CDH1: variants seen among roughly 807,000 people sequenced by gnomAD.
CDH1 encodes cadherin 1.
A neutral mutation model predicts 84.5 loss-of-function variants in CDH1; 35 were observed. The ratio of observed to expected loss-of-function variants is 0.41; its 90% confidence interval spans 0.32 to 0.55. CDH1 has a LOEUF of 0.55. Among genes scored for constraint, CDH1 ranks in the 20% least tolerant of loss-of-function variants. CDH1 has a pLI of 0.19. For synonymous variants in CDH1, 417 were observed against 439.0 expected (o/e 0.95, Z 0.63); for missense variants, 994 against 1,126.6 (o/e 0.88, Z 1.68).
At chr16:68,741,536 T>C (rs1962562202) in intron 2 of CDH1, among the ~76,000 whole-genome samples, 1 of 152,006 alleles carries the variant, frequency 6.6e-6, no homozygotes, top group Non-Finnish European at 1.5e-5. Context: ...TCAGGGGACT[T>C]TGGAGTGTTT....
At chr16:68,789,733 T>G (rs1960158900) in intron 2 of CDH1, among the ~76,000 whole-genome samples, 1 of 152,178 alleles carries the variant, frequency 6.6e-6, no homozygotes, top group South Asian at 2.1e-4. Context: ...TCAGTTAGTC[T>G]GAGGCAGGGG....
intron 2 of CDH1, among the ~76,000 whole-genome samples, chr16:68,794,346 A>G (rs1207521054): frequency 6.6e-6 from 1 of 151,958 alleles, no homozygotes; most frequent in African/African-American, 2.4e-5. Context: ...GGCCGTGTCC[A>G]TTAGCTCTTA....
chr16:68,773,548 C>G (rs1022296435), intron 2 of CDH1, among the ~76,000 whole-genome samples: 4 of 152,232 alleles, frequency 2.6e-5, no homozygotes, highest in African/African-American at 4.8e-5. Context: ...ATCTGCCCGC[C>G]CTGGCCTCCC....
At chr16:68,826,588 C>T (rs566103551) in intron 13 of CDH1, 5 of 152,230 alleles carry the variant, frequency 3.3e-5, no homozygotes. Context: ...ATAGCAAGAT[C>T]CCATCTCTAT....
intron 3 of CDH1, among the ~76,000 whole-genome samples, chr16:68,806,402 A>C (rs1056038969): frequency 1.3e-5 from 2 of 151,950 alleles, no homozygotes; most frequent in Non-Finnish European, 2.9e-5. Context: ...TGCCTGCCTT[A>C]GCCTCCCAAA....
intron 2 of CDH1, among the ~76,000 whole-genome samples, chr16:68,777,651 C>G (rs535422662): frequency 1.3e-5 from 2 of 150,960 alleles, no homozygotes; most frequent in East Asian, 3.9e-4. Flanking sequence ...TCAAGCCATC[C>G]TCCCATCTCA....
chr16:68,795,815 C>T (rs1699435185), intron 2 of CDH1, among the ~76,000 whole-genome samples: 1 of 151,758 alleles, frequency 6.6e-6, no homozygotes, highest in Admixed American at 6.6e-5. Flanking sequence ...ATCTTGTCCT[C>T]CAGTTTTTAT....
At chr16:68,783,400 A>G (rs923504803) in intron 2 of CDH1, among the ~76,000 whole-genome samples, 4 of 135,456 alleles carry the variant, frequency 3.0e-5, no homozygotes, top group African/African-American at 5.5e-5. Flanking sequence ...AAAAAAAAAA[A>G]AAAAGAAAAA....
rs141259501 is a variant in CDH1 at position 68,748,646 on chromosome 16, C to T, written c.163+10235C>T. Among the ~76,000 whole-genome samples, 442 of 152,140 alleles carry T rather than the reference C, an allele frequency of 2.9e-3. 1 individual carries two copies. Among genetic ancestry groups the T allele is most frequent in the African/African-American group, 0.01 (419 of 41,522 alleles). On this transcript the variant is annotated intron_variant, in intron 2 of 15. Transcript: ENST00000261769. ...TCTGGTGTATCTGGAAGATGAATTT[C>T]CATAGGTGAGCCTGCTGGGTCCAGG...
intron 2 of CDH1, among the ~76,000 whole-genome samples, chr16:68,738,964 T>TTTTTTTAAA (rs555202424): frequency 1.5e-5 from 1 of 65,364 alleles, no homozygotes; most frequent in African/African-American, 5.7e-5. Context: ...TTTTTTTTTT[T>TTTTTTTAAA]AAAGACAGGG....
At chr16:68,809,809 A>G (rs1311713028) in intron 5 of CDH1, among the ~76,000 whole-genome samples, 1 of 152,168 alleles carries the variant, frequency 6.6e-6, no homozygotes, top group East Asian at 1.9e-4. Context: ...TACATGAACC[A>G]CTATGCCTGG....
chr16:68,831,295 T>G (rs1356649977), intron 15 of CDH1, among the ~76,000 whole-genome samples: 2 of 150,702 alleles, frequency 1.3e-5, no homozygotes, highest in Admixed American at 6.6e-5. Context: ...TTCACCATGT[T>G]AACCAGATGG....
intron 2 of CDH1, among the ~76,000 whole-genome samples, chr16:68,753,628 C>T (rs112781459): frequency 2.0e-4 from 30 of 152,214 alleles, no homozygotes; most frequent in African/African-American, 2.2e-4. Flanking sequence ...TGAGCCACCG[C>T]GCCCGGCACA....
At chr16:68,825,828 T>A (rs555090481) in intron 13 of CDH1, among the ~76,000 whole-genome samples, 75 of 143,926 alleles carry the variant, frequency 5.2e-4, no homozygotes, top group East Asian at 1.8e-3. Flanking sequence ...TTTTTTTTTT[T>A]AGGCAAGTTC....
chr16:68,832,467 C>T (rs1961511736), intron 15 of CDH1, among the ~76,000 whole-genome samples: 1 of 151,448 alleles, frequency 6.6e-6, no homozygotes, highest in Non-Finnish European at 1.5e-5. Context: ...CAGAGCAAGA[C>T]TCTGAGACTC....
chr16:68,744,334 G>A (rs546011689), intron 2 of CDH1, among the ~76,000 whole-genome samples: 2 of 152,268 alleles, frequency 1.3e-5, no homozygotes, highest in Admixed American at 6.5e-5. Context: ...TCTGGAAATG[G>A]GAGGGCATAT....
intron 2 of CDH1, among the ~76,000 whole-genome samples, chr16:68,766,387 G>C (rs1037185371): frequency 6.6e-6 from 1 of 152,172 alleles, no homozygotes; most frequent in Admixed American, 6.5e-5. Context: ...CGGATGCACC[G>C]CTTCCCTTCC....
intron 10 of CDH1, among the ~76,000 whole-genome samples, chr16:68,817,679 A>G (rs1017133067): frequency 7.2e-5 from 11 of 152,172 alleles, no homozygotes; most frequent in Non-Finnish European, 2.9e-5. Context: ...GACCCCTGAA[A>G]TGGATTACCT....
intron 2 of CDH1, among the ~76,000 whole-genome samples, chr16:68,761,098 A>G (rs1370639064): frequency 6.6e-6 from 1 of 152,222 alleles, no homozygotes; most frequent in Non-Finnish European, 1.5e-5. Flanking sequence ...GGTTCTTCCT[A>G]CAGGGCCTTT....
Sources: gnomAD v4.1 joint callset for allele counts (sites outside exome capture counted in the v4.1 genomes callset) on GRCh38, gnomAD v4.1.1 for gene constraint, MANE v1.5 for transcripts, NCBI Gene and HGNC (gene_info 2026-07-23, HGNC 2026-07-21) for gene names.